The following ATP2C2 variants were observed in gnomAD, a reference collection of about 807,000 sequenced individuals.
The protein encoded by ATP2C2 is calcium-transporting ATPase type 2C member 2.
A neutral mutation model predicts 110.8 loss-of-function variants in ATP2C2; 171 were observed. That is an observed-to-expected ratio of 1.54 (90% CI 1.36 to 1.75). The LOEUF (loss-of-function observed/expected upper bound fraction) is 1.75. Ranked by LOEUF, ATP2C2 falls within the 40% of genes most tolerant of loss-of-function variation. ATP2C2 has a pLI of 0.00. For missense variants in ATP2C2, 1,963 were observed against 1,235.0 expected (o/e 1.59, Z -8.84); for synonymous variants, 804 against 508.4 (o/e 1.58, Z -7.82).
chr16:84,408,683 C>G (rs1906003964), intron 4 of ATP2C2, among the ~76,000 whole-genome samples, 189 bp downstream of exon 4: 1 of 152,012 alleles, frequency 6.6e-6, no homozygotes, highest in Non-Finnish European at 1.5e-5. Context: ...GTTTATTCGG[C>G]CACTGCTTGC....
chr16:84,408,816 A>G (rs978382627), intron 4 of ATP2C2, among the ~76,000 whole-genome samples: 4 of 151,802 alleles, frequency 2.6e-5, no homozygotes, highest in African/African-American at 7.3e-5. Flanking sequence ...CCGAAGAACA[A>G]CACCTTTGAT....
chr16:84,424,576 CTTTTTTTT>C (rs371614449), intron 10 of ATP2C2, among the ~76,000 whole-genome samples: 18,287 of 115,012 alleles, frequency 0.16, 1,604 homozygotes, highest in South Asian at 0.29. Flanking sequence ...CCGCACTGGG[CTTTTTTTT>C]TTTTTTTTTT....
rs935938382 is a variant in ATP2C2, at chr16:84,439,368, G to A, written c.1112-59G>A. On this transcript the variant is annotated intron_variant, in intron 12 of 26. Transcript: ENST00000262429. ...GGCTGTCAGGGCAATCCAGCCTGGG[G>A]GTTTCACAAGCCTGAGGATGGCAAC... is the stretch of plus-strand genomic sequence containing the variant. 3.1e-5 allele frequency: 50 copies of A among 1,611,110 alleles called. No individual in the cohort carries two copies. In the African/African-American group the frequency reaches 3.5e-4, roughly 11 times the overall value.
intron 11 of ATP2C2, among the ~76,000 whole-genome samples, chr16:84,428,455 G>T (rs1907977415): frequency 6.6e-6 from 1 of 152,178 alleles, no homozygotes; most frequent in South Asian, 2.1e-4. Flanking sequence ...TGAGTTAATG[G>T]GAATTGGAAA....
intron 2 of ATP2C2, among the ~76,000 whole-genome samples, chr16:84,401,045 T>G (rs1905286010): frequency 6.6e-6 from 1 of 152,170 alleles, no homozygotes; most frequent in South Asian, 2.1e-4. Context: ...GATGATTTCC[T>G]TTGCTGTGCA....
At chr16:84,387,947 G>T (rs1904414023) in intron 1 of ATP2C2, among the ~76,000 whole-genome samples, 1 of 148,778 alleles carries the variant, frequency 6.7e-6, no homozygotes. Context: ...TTTAATAGAA[G>T]CACCTGGGGG....
chr16:84,403,123 G>A (rs531846036), intron 2 of ATP2C2, among the ~76,000 whole-genome samples: 1 of 151,938 alleles, frequency 6.6e-6, no homozygotes, highest in Non-Finnish European at 1.5e-5. Context: ...GATATAATTT[G>A]TGAAGTTTCC....
chr16:84,445,001 G>A (rs552335805), intron 15 of ATP2C2, among the ~76,000 whole-genome samples: 15 of 152,260 alleles, frequency 9.9e-5, no homozygotes, highest in Non-Finnish European at 1.3e-4. Flanking sequence ...GTGATTTAGT[G>A]TAACCAAAAC....
intron 1 of ATP2C2, among the ~76,000 whole-genome samples, chr16:84,394,554 T>G (rs1015311708): frequency 2.1e-4 from 32 of 152,022 alleles, no homozygotes; most frequent in African/African-American, 7.3e-4. Flanking sequence ...ACCAAAAATG[T>G]GGTGGCTTAA....
rs1567694790 is a variant in ATP2C2 at position 84,397,671 on chromosome 16, A to AAAAAAAAAAAAAAAAAAC, written c.100-826_100-825insAAAAAAAAAAAAAAACAA. 3.6e-5 allele frequency among the ~76,000 whole-genome samples: 5 copies of AAAAAAAAAAAAAAAAAAC among 139,512 alleles called. No individual in the cohort carries two copies. The East Asian group carries it at 1.0e-3, about 29-fold the overall frequency. 91.5% of individuals were successfully genotyped at this position (139,512 alleles called of 152,430 possible). A position where few individuals can be genotyped will look rare whatever the true frequency, so the allele number is the denominator to read the frequency against. ...CCTGGGTGACAAAAAAAAAAAAAAA[A>AAAAAAAAAAAAAAAAAAC]AACTTGCTTAAAAATAGATGCATCA... On this transcript the variant is annotated intron_variant, in intron 1 of 26. Transcript: ENST00000262429.
chr16:84,452,405 C>A (rs1202515705), intron 18 of ATP2C2, among the ~76,000 whole-genome samples: 1 of 152,100 alleles, frequency 6.6e-6, no homozygotes, highest in Non-Finnish European at 1.5e-5. Flanking sequence ...CTGCCTTCTG[C>A]CTCTAGCTGT....
At chr16:84,374,700 G>C (rs1212086015) in intron 1 of ATP2C2, among the ~76,000 whole-genome samples, 2 of 152,096 alleles carry the variant, frequency 1.3e-5, no homozygotes, top group Non-Finnish European at 2.9e-5. Flanking sequence ...TCATTTGTGT[G>C]CACACAAATT....
chr16:84,410,265 A>T (rs959434429), intron 4 of ATP2C2, among the ~76,000 whole-genome samples: 2 of 152,128 alleles, frequency 1.3e-5, no homozygotes, highest in Non-Finnish European at 2.9e-5. Context: ...TGTTTGCAGC[A>T]TGTTCAGTGA....
intron 23 of ATP2C2, chr16:84,459,663 G>C: frequency 7.4e-7 from 1 of 1,357,550 alleles, no homozygotes; most frequent in Non-Finnish European, 1.0e-6. Context: ...TCATTCTCAT[G>C]CTTCATTCCA....
intron 1 of ATP2C2, among the ~76,000 whole-genome samples, chr16:84,373,515 A>ACAG (rs10675836): frequency 6.6e-6 from 1 of 151,484 alleles, no homozygotes; most frequent in Non-Finnish European, 1.5e-5. Context: ...AACAACAACA[A>ACAG]AAAAAGAGAC....
chr16:84,408,163 G>C (rs916210893), intron 3 of ATP2C2, among the ~76,000 whole-genome samples: 1 of 152,194 alleles, frequency 6.6e-6, no homozygotes. Context: ...CTCAAAGGCA[G>C]GGCTGAGGCC....
chr16:84,412,453 TG>T, intron 6 of ATP2C2, among the ~76,000 whole-genome samples: 1 of 124,788 alleles, frequency 8.0e-6, no homozygotes, highest in East Asian at 4.3e-4. Flanking sequence ...TGTGTGTGTC[TG>T]TGTCTCCGTG....
chr16:84,399,728 C>G (rs996049333), intron 2 of ATP2C2, among the ~76,000 whole-genome samples: 1 of 152,128 alleles, frequency 6.6e-6, no homozygotes, highest in Non-Finnish European at 1.5e-5. Context: ...CAAACGGGGT[C>G]TCCATTACCT....
At chr16:84,405,648 G>A (rs1003656724) in intron 3 of ATP2C2, among the ~76,000 whole-genome samples, 5 of 152,204 alleles carry the variant, frequency 3.3e-5, no homozygotes, top group Non-Finnish European at 7.3e-5. Flanking sequence ...GGCTGGGCGT[G>A]GTGGCTCGTG....
Sources: allele counts gnomAD v4.1 joint callset (sites outside exome capture counted in the v4.1 genomes callset), GRCh38; gene constraint gnomAD v4.1.1; transcripts MANE v1.5; gene names NCBI Gene and HGNC (gene_info 2026-07-23, HGNC 2026-07-21).